Variants in NIPAL1 observed in about 807,000 individuals in gnomAD.
NIPAL1 encodes NIPA like domain containing 1.
Under a neutral mutation model 37.7 loss-of-function variants are expected in NIPAL1, and 35 were observed. The observed-to-expected ratio is 0.93, with a 90% confidence interval of 0.71 to 1.23. The LOEUF is 1.23. NIPAL1 is among the 50% of genes most tolerant of loss of function. The pLI, the probability that NIPAL1 is intolerant of heterozygous loss-of-function variation, is 0.00. For missense variants in NIPAL1, 412 were observed against 473.9 expected, an observed-to-expected ratio of 0.87 and a Z score of 1.21; for synonymous variants, 162 against 183.0, an observed-to-expected ratio of 0.89 and a Z score of 0.93.
intron 3 of NIPAL1, among the ~76,000 whole-genome samples, chr4:48,031,646 A>G (rs1372160599): frequency 2.0e-5 from 3 of 152,222 alleles, no homozygotes; most frequent in African/African-American, 7.2e-5. Flanking sequence ...CAGTACTTTA[A>G]TCATGAAGTC....
intron 5 of NIPAL1, 137 bp downstream of exon 5, chr4:48,035,178 A>G: frequency 1.4e-6 from 1 of 739,490 alleles, no homozygotes; most frequent in Admixed American, 2.8e-5. Context: ...GTGAGGTTTG[A>G]TTATTATTTC....
intron 1 of NIPAL1, among the ~76,000 whole-genome samples, chr4:48,017,493 C>CGT (rs1553873328): frequency 6.6e-6 from 1 of 151,994 alleles, no homozygotes; most frequent in African/African-American, 2.4e-5. Flanking sequence ...TGCAGTCACT[C>CGT]TGGCTGCTTA....
chr4:48,021,685 G>A (rs1715570461), intron 1 of NIPAL1, among the ~76,000 whole-genome samples: 1 of 152,056 alleles, frequency 6.6e-6, no homozygotes, highest in South Asian at 2.1e-4. Context: ...ATCATGTTTT[G>A]ATGAATCTCA....
rs1361568225 is a variant in NIPAL1 at position 48,036,951 on chromosome 4, A to G, written c.*779A>G. 2 of 156,104 alleles carry G rather than the reference A, an allele frequency of 1.3e-5. No homozygotes were observed. The highest frequency in any genetic ancestry group is 1.9e-4 in the East Asian group (1 of 5,268). The allele number at this position is 156,104 out of a possible 1,614,324, so 9.7% of individuals were successfully genotyped here. A position where few individuals can be genotyped will look rare whatever the true frequency, so the allele number is the denominator to read the frequency against. The stretch of plus-strand genomic sequence containing the variant: ...TCAAAAAAGAAGAAGAGAAAGGGCC[A>G]GGGGCTTTTGCTTTAAAAAACTTTT... On this transcript the variant is annotated 3_prime_UTR_variant, in exon 6 of 6. Transcript: ENST00000295461.
intron 1 of NIPAL1, among the ~76,000 whole-genome samples, chr4:48,017,966 A>G (rs182571442): frequency 3.3e-5 from 5 of 152,054 alleles, no homozygotes; most frequent in Admixed American, 3.3e-4. Flanking sequence ...TTCCTTTTTA[A>G]CAAGTGAGCT....
At chr4:48,031,648 C>T (rs570332912) in intron 3 of NIPAL1, among the ~76,000 whole-genome samples, 1 of 152,200 alleles carries the variant, frequency 6.6e-6, no homozygotes, top group East Asian at 1.9e-4. Context: ...GTACTTTAAT[C>T]ATGAAGTCGT....
intron 2 of NIPAL1, among the ~76,000 whole-genome samples, chr4:48,025,927 C>G (rs887362277): frequency 5.3e-5 from 8 of 152,070 alleles, no homozygotes; most frequent in African/African-American, 1.9e-4. Context: ...GCGTGGAACC[C>G]TTCTCCCTGC....
rs1238358306 is a variant in NIPAL1 at position 48,016,804 on chromosome 4, C to T, written c.-36C>T. 3 of 1,548,584 alleles carry T rather than the reference C, an allele frequency of 1.9e-6. No homozygotes were observed. Among genetic ancestry groups the T allele is most frequent in the Admixed American group, 1.9e-5 (1 of 52,508 alleles). The stretch of plus-strand genomic sequence containing the variant: ...CGTGTGGAGAGGCCCAGGTGAGGAG[C>T]AAGCGCCCGCGTTCCGGAAGCCCGC... On this transcript the variant is annotated 5_prime_UTR_variant, in exon 1 of 6. Transcript: ENST00000295461.
intron 4 of NIPAL1, 122 bp downstream of exon 4, chr4:48,033,205 G>T: frequency 3.4e-6 from 2 of 593,180 alleles, no homozygotes; most frequent in Admixed American, 7.2e-5. Flanking sequence ...ACCAACCTGG[G>T]CTCTAAAAGT....
chr4:48,023,734 A>G (rs557346972), intron 1 of NIPAL1, among the ~76,000 whole-genome samples: 2 of 152,272 alleles, frequency 1.3e-5, no homozygotes, highest in African/African-American at 2.4e-5. Flanking sequence ...AGACATTTAT[A>G]ATAGTGGACT....
Position 48,034,886 on chromosome 4 carries a change from T to C in NIPAL1, c.467T>C (p.Ile156Thr). 2.5e-6 allele frequency: 4 copies of C among 1,612,260 alleles called. No homozygotes were observed. Among genetic ancestry groups the C allele is most frequent in the Non-Finnish European group, 3.4e-6 (4 of 1,178,572 alleles). Residue 156 changes from isoleucine to threonine, a missense_variant, in exon 5 of 6, where the codon ATA (isoleucine) becomes ACA (threonine). Coordinates refer to ENST00000295461, the MANE Select transcript of NIPAL1 (RefSeq NM_207330.3). ...LGALSVLISAILSSYFLNEHL... is the reference protein window; with the variant it reads ...LGALSVLISATLSSYFLNEHL... ...AATTTTTTCTCTCCCAACAGTGCAA[T>C]ATTATCTTCCTACTTTTTAAACGAG...
chr4:48,023,629 G>A (rs1179654767), intron 1 of NIPAL1, among the ~76,000 whole-genome samples: 1 of 152,114 alleles, frequency 6.6e-6, no homozygotes, highest in Non-Finnish European at 1.5e-5. Context: ...TCACCTTGTT[G>A]GTGTCTTTTC....
At position 48,027,591 on chromosome 4, in the gene NIPAL1, AG is replaced by A. The variant is rs1401599004; in HGVS notation, c.313+2258del. ...AGCACAGTTAACTACTTTGCAAAATAGTCTTCATAGCTTATATATCCTGTTT... is the reference window on the plus strand; with the variant it reads ...AGCACAGTTAACTACTTTGCAAAATATCTTCATAGCTTATATATCCTGTTT... On this transcript the variant is annotated intron_variant, in intron 2 of 5. Coordinates refer to ENST00000295461, the MANE Select transcript of NIPAL1 (RefSeq NM_207330.3). The surrounding 1 kb of genome is among the most constrained non-coding windows in gnomAD (Gnocchi z 4.1). 5.9e-5 allele frequency among the ~76,000 whole-genome samples: 9 copies of A among 152,246 alleles called. No homozygotes were observed. The highest frequency in any genetic ancestry group is 1.9e-4 in the African/African-American group (8 of 41,472).
intron 1 of NIPAL1, among the ~76,000 whole-genome samples, chr4:48,020,971 T>C (rs1715556052): frequency 6.6e-6 from 1 of 152,182 alleles, no homozygotes; most frequent in African/African-American, 2.4e-5. Flanking sequence ...ATTATTATTC[T>C]CTATAGGCAA....
intron 5 of NIPAL1, 102 bp from the exon 6 acceptor site, chr4:48,035,460 T>C: frequency 9.3e-7 from 1 of 1,079,824 alleles, no homozygotes; most frequent in Non-Finnish European, 1.4e-6. Context: ...TCACTTCTAT[T>C]TCTAAAATAC....
In NIPAL1 at chr4:48,036,746, G is replaced by C. The variant is rs1715956116; in HGVS notation, c.*574G>C. Reference sequence around the variant, plus strand: ...AGTTCGAGACCACCTTGGGCCACAAGGCGAGACCCTGTCTCTACAAAAAAT... The same window carrying C: ...AGTTCGAGACCACCTTGGGCCACAACGCGAGACCCTGTCTCTACAAAAAAT... On this transcript the variant is annotated 3_prime_UTR_variant, in exon 6 of 6. Transcript: ENST00000295461. 1 of 153,252 alleles carries C rather than the reference G, an allele frequency of 6.5e-6. No individual in the cohort carries two copies. 9.5% of individuals were successfully genotyped at this position (153,252 alleles called of 1,614,324 possible). A position where few individuals can be genotyped will look rare whatever the true frequency, so the allele number is the denominator to read the frequency against.
chr4:48,020,933 GATA>G (rs1298597287), intron 1 of NIPAL1, among the ~76,000 whole-genome samples: 1 of 151,892 alleles, frequency 6.6e-6, no homozygotes, highest in Admixed American at 6.6e-5. Context: ...TAATAAACTG[GATA>G]ATTTAAATTA....
At chr4:48,020,846 TGGAAATATCTTGC>T (rs1353670270) in intron 1 of NIPAL1, among the ~76,000 whole-genome samples, 1 of 152,186 alleles carries the variant, frequency 6.6e-6, no homozygotes, top group Admixed American at 6.5e-5. Flanking sequence ...GACCCCCAAC[TGGAAATATCTTGC>T]GGTGATTAAA....
intron 3 of NIPAL1, among the ~76,000 whole-genome samples, chr4:48,031,775 G>A (rs1715824257): frequency 6.6e-6 from 1 of 152,112 alleles, no homozygotes; most frequent in Non-Finnish European, 1.5e-5. Flanking sequence ...TCTCGCTCTT[G>A]TCGTCCAGGC....
Sources: allele counts gnomAD v4.1 joint callset (sites outside exome capture counted in the v4.1 genomes callset), GRCh38; gene constraint gnomAD v4.1.1; non-coding constraint Gnocchi (gnomAD v3.1); transcripts MANE v1.5; gene names NCBI Gene and HGNC (gene_info 2026-07-23, HGNC 2026-07-21).